The following ARRDC5 variants were observed in gnomAD, a reference collection of about 807,000 sequenced individuals.
The protein encoded by ARRDC5 is arrestin domain-containing protein 5.
A neutral mutation model predicts 13.3 loss-of-function variants in ARRDC5; 12 were observed. The ratio of observed to expected loss-of-function variants is 0.90; its 90% CI spans 0.58 to 1.46. The LOEUF is 1.46. ARRDC5 is among the 40% of genes most tolerant of loss of function. ARRDC5 has a pLI of 0.00. For synonymous variants in ARRDC5, 181 were observed against 173.4 expected (o/e 1.04, Z -0.34); for missense variants, 406 against 418.7 (o/e 0.97, Z 0.26).
At chr19:4,904,322 G>C (rs2032017307), upstream of ARRDC5, among the ~76,000 whole-genome samples, 1 of 152,128 alleles carries the variant, frequency 6.6e-6, no homozygotes, top group South Asian at 2.1e-4. Flanking sequence ...GGGACTACAG[G>C]CGTCCGCCAC....
chr19:4,900,809 C>G (rs945929769), intron 1 of ARRDC5, among the ~76,000 whole-genome samples: 2 of 152,006 alleles, frequency 1.3e-5, no homozygotes, highest in Non-Finnish European at 1.5e-5. Flanking sequence ...CACCTGAGGT[C>G]GGGAGTTCAA....
At chr19:4,906,693 C>A (rs1269739778), upstream of ARRDC5, among the ~76,000 whole-genome samples, 1 of 151,910 alleles carries the variant, frequency 6.6e-6, no homozygotes, top group African/African-American at 2.4e-5. Context: ...GTGGAGGTTG[C>A]GGAGAGCCAA....
chr19:4,901,216 G>A (rs2031901393), intron 1 of ARRDC5, among the ~76,000 whole-genome samples: 1 of 152,122 alleles, frequency 6.6e-6, no homozygotes, highest in Non-Finnish European at 1.5e-5. Flanking sequence ...CTACTCAGGA[G>A]GCTGAGGTGA....
At position 4,891,954 on chromosome 19, in the gene ARRDC5, C is replaced by CAAAA. The variant is rs33946883; in HGVS notation, c.460-385_460-382dup. On this transcript the variant is annotated intron_variant, in intron 2 of 2. Transcript: ENST00000650722. ...AGGGCTACAGAGCAAAACTCCGTCT[C>CAAAA]AAAAAAAAAAAAAAGTCTCTGGGGC... Among the ~76,000 whole-genome samples the CAAAA allele has an allele frequency of 8.7e-3, 1,212 of 138,924 alleles. 25 individuals are homozygous for CAAAA. Among genetic ancestry groups the CAAAA allele is most frequent in the African/African-American group, 0.031 (1,145 of 37,302 alleles). The allele number at this position is 138,924 out of a possible 152,430, so 91.1% of individuals were successfully genotyped here.
chr19:4,895,968 A>G (rs1202515437), intron 2 of ARRDC5, among the ~76,000 whole-genome samples: 2 of 152,176 alleles, frequency 1.3e-5, no homozygotes, highest in African/African-American at 4.8e-5. Flanking sequence ...TATGGGGATA[A>G]AACAGCCACA....
upstream of ARRDC5, among the ~76,000 whole-genome samples, chr19:4,907,511 C>T (rs1426579878): frequency 6.6e-6 from 1 of 152,100 alleles, no homozygotes; most frequent in African/African-American, 2.4e-5. Context: ...CTCCAGTTAT[C>T]TGCCTGCCTC....
chr19:4,894,284 G>A (rs2146244631), intron 2 of ARRDC5, among the ~76,000 whole-genome samples: 1 of 151,592 alleles, frequency 6.6e-6, no homozygotes, highest in East Asian at 1.9e-4. Flanking sequence ...GGCCGAGGCG[G>A]GCGGATCACA....
chr19:4,911,182 A>C, the ARRDC5 span: 1 of 761,806 alleles, frequency 1.3e-6, no homozygotes, highest in African/African-American at 1.8e-5. Context: ...GGAGAAGTCC[A>C]CAGAAACCTC....
chr19:4,903,901 C>T (rs1205383982), upstream of ARRDC5, among the ~76,000 whole-genome samples: 11 of 152,162 alleles, frequency 7.2e-5, no homozygotes, highest in Admixed American at 6.6e-4. Context: ...CTGGTGCGCA[C>T]TGAAGTTGAT....
At chr19:4,913,971 G>A in the ARRDC5 span, among the ~76,000 whole-genome samples, 1 of 151,744 alleles carries the variant, frequency 6.6e-6, no homozygotes, top group Non-Finnish European at 1.5e-5. Context: ...GCCACCATGC[G>A]CAGCTAATTT....
Position 4,891,350 on chromosome 19 carries a change from C to G in ARRDC5, c.683G>C (p.Arg228Pro). The G allele has an allele frequency of 6.2e-7, 1 of 1,613,772 alleles. No homozygotes were observed. Among genetic ancestry groups the G allele is most frequent in the African/African-American group, 1.3e-5 (1 of 75,046 alleles). Reference sequence around the variant, plus strand: ...AAGCTCGCTGCTGTCCAGCCGAGACCGCCGCTCTGCACTGGGCGTGAAGCC... The same window carrying G: ...AAGCTCGCTGCTGTCCAGCCGAGACGGCCGCTCTGCACTGGGCGTGAAGCC... ...YEGFTPSAERRSRLDSSELLR... is the reference protein window; with the variant it reads ...YEGFTPSAERPSRLDSSELLR... Residue 228 changes from arginine to proline, a missense_variant, in exon 3 of 3, where the codon CGG becomes CCG. Transcript: ENST00000650722.
rs1446831883 is a variant in ARRDC5, at chr19:4,902,677, A to G, written c.149T>C (p.Val50Ala). 2 of 1,613,906 alleles carry G rather than the reference A, an allele frequency of 1.2e-6. No homozygotes were observed. The highest frequency in any genetic ancestry group is 1.7e-5 in the Admixed American group (1 of 59,990). The change falls in exon 1 of 3, where the codon GTC becomes GCC. Residue 50 changes from valine to alanine, a missense_variant. Transcript: ENST00000650722. ...VKVELVGRGYVEWSEEAGASC... is the reference protein window; with the variant it reads ...VKVELVGRGYAEWSEEAGASC... ...TGCCCCGGCTTCTTCACTCCATTCG[A>G]CGTAACCCCTTCCCACGAGCTCCAC...
chr19:4,913,807 C>CTTTTTT, the ARRDC5 span, among the ~76,000 whole-genome samples: 4 of 110,154 alleles, frequency 3.6e-5, no homozygotes, highest in African/African-American at 8.2e-5. Context: ...CATGCAGTAG[C>CTTTTTT]TTTTTTTTTT....
upstream of ARRDC5, among the ~76,000 whole-genome samples, chr19:4,905,207 C>T (rs1239638281): frequency 2.7e-5 from 4 of 147,756 alleles, no homozygotes; most frequent in Non-Finnish European, 5.9e-5. Flanking sequence ...AGCTCTGCCT[C>T]CCAGGTTCAC....
chr19:4,896,576 C>T, intron 2 of ARRDC5, 95 bp downstream of exon 2: 1 of 917,356 alleles, frequency 1.1e-6, no homozygotes, highest in Middle Eastern at 3.2e-4. Flanking sequence ...TCCCTTCTCC[C>T]CATGGGACCT....
In ARRDC5 at chr19:4,891,345, G is replaced by T; in HGVS notation, c.688C>A (p.Arg230=). Residue 230 remains arginine, a synonymous_variant, in exon 3 of 3, where the codon CGG becomes AGG. Transcript: ENST00000650722. ...CTCAGAAGCTCGCTGCTGTCCAGCC[G>T]AGACCGCCGCTCTGCACTGGGCGTG... ...GFTPSAERRS[R]LDSSELLRQE... is the part of the protein sequence containing the mutation. The T allele has an allele frequency of 6.2e-7, 1 of 1,613,774 alleles. No individual in the cohort carries two copies. Among genetic ancestry groups the T allele is most frequent in the Non-Finnish European group, 8.5e-7 (1 of 1,179,866 alleles).
the ARRDC5 span, among the ~76,000 whole-genome samples, chr19:4,908,984 C>T: frequency 6.6e-6 from 1 of 152,166 alleles, no homozygotes; most frequent in African/African-American, 2.4e-5. Context: ...CGGGAAAAGA[C>T]AGCAAACAAG....
chr19:4,902,625 A>T lies in ARRDC5; in HGVS notation c.201T>A (p.Ile67=). 6.2e-7 allele frequency: 1 copy of T among 1,613,930 alleles called. No homozygotes were observed. The highest frequency in any genetic ancestry group is 8.5e-7 in the Non-Finnish European group (1 of 1,179,880). The part of the protein sequence containing the change: ...GASCDYSRNV[I]CNNKADYVHK... ...GCACGTAGTCTGCCTTGTTGTTGCA[A>T]ATAACATTTCTGCTATAATCACAGG... The change falls in exon 1 of 3, where the codon ATT becomes ATA. Residue 67 remains isoleucine (I), a synonymous_variant. Coordinates refer to ENST00000650722, the MANE Select transcript of ARRDC5 (RefSeq NM_001080523.3).
At chr19:4,914,834 G>T in the ARRDC5 span, among the ~76,000 whole-genome samples, 1 of 152,118 alleles carries the variant, frequency 6.6e-6, no homozygotes, top group Non-Finnish European at 1.5e-5. Flanking sequence ...ACGCTGCAGC[G>T]CAGTGCGAAT....
Sources: gnomAD v4.1 joint callset for allele counts (sites outside exome capture counted in the v4.1 genomes callset) on GRCh38, gnomAD v4.1.1 for gene constraint, MANE v1.5 for transcripts, NCBI Gene and HGNC (gene_info 2026-07-23, HGNC 2026-07-21) for gene names.